Variants in CNTNAP5 observed in about 807,000 individuals in gnomAD.
The protein encoded by CNTNAP5 is contactin-associated protein-like 5.
CNTNAP5 carries 72 observed loss-of-function variants against 150.2 expected under a neutral mutation model. The ratio of observed to expected loss-of-function variants is 0.48; its 90% CI spans 0.40 to 0.58. The LOEUF (loss-of-function observed/expected upper bound fraction) is 0.58, where lower values mean the gene tolerates loss of function less well. Among genes scored for constraint, CNTNAP5 ranks in the 20% least tolerant of loss-of-function variants. CNTNAP5 has a pLI of 0.00. For synonymous variants in CNTNAP5, 672 were observed against 619.8 expected (o/e 1.08, Z -1.25); for missense variants, 1,636 against 1,626.2 (o/e 1.01, Z -0.10).
At chr2:124,747,488 C>G (rs919148468) in intron 14 of CNTNAP5, 103 bp downstream of exon 14, 7 of 1,345,354 alleles carry the variant, frequency 5.2e-6, no homozygotes, top group Non-Finnish European at 7.4e-6. Flanking sequence ...TCAATACAAA[C>G]TGGAGCTCCC....
chr2:124,524,573 C>A (rs1342815743), intron 9 of CNTNAP5, 121 bp downstream of exon 9: 2 of 852,004 alleles, frequency 2.3e-6, no homozygotes, highest in Non-Finnish European at 3.6e-6. Context: ...CACAAACACA[C>A]ACACACATGC....
chr2:124,025,621 C>G lies in CNTNAP5; in HGVS notation c.-30C>G. 6.2e-7 allele frequency: 1 copy of G among 1,608,514 alleles called. No homozygotes were observed. The highest frequency in any genetic ancestry group is 8.5e-7 in the Non-Finnish European group (1 of 1,175,196). On this transcript the variant is annotated 5_prime_UTR_variant, in exon 1 of 24. Transcript: ENST00000682447. ...GGCTGGCTACTGCGAATTTGGGATTCGATTGGGAGGGACCGCTCACTCGGG... is the reference window on the plus strand; with the variant it reads ...GGCTGGCTACTGCGAATTTGGGATTGGATTGGGAGGGACCGCTCACTCGGG...
At chr2:124,181,727 T>A (rs1200834365) in intron 1 of CNTNAP5, among the ~76,000 whole-genome samples, 1 of 152,198 alleles carries the variant, frequency 6.6e-6, no homozygotes, top group Non-Finnish European at 1.5e-5. Flanking sequence ...ATAGAAATCA[T>A]GTATCTCCTG....
chr2:124,512,551 G>A (rs552075783), intron 8 of CNTNAP5, among the ~76,000 whole-genome samples: 1 of 152,256 alleles, frequency 6.6e-6, no homozygotes, highest in South Asian at 2.1e-4. Context: ...CCATGAAAAA[G>A]TGTCTATAGT....
rs146538859 is a variant in CNTNAP5 at position 124,863,051 on chromosome 2, T to C, written c.3218-2255T>C. 1.2e-4 allele frequency among the ~76,000 whole-genome samples: 18 copies of C among 152,264 alleles called. No homozygotes were observed. In the East Asian group the frequency reaches 3.5e-3, roughly 29 times the overall value. ...CTAAGAGGAATGGTGGCAAGAGGGA[T>C]GCCAGCAAACATGTATAAAATGAAA... On this transcript the variant is annotated intron_variant, in intron 19 of 23. Transcript: ENST00000682447.
chr2:124,047,343 A>G (rs1681564555), intron 1 of CNTNAP5, among the ~76,000 whole-genome samples: 1 of 152,214 alleles, frequency 6.6e-6, no homozygotes, highest in African/African-American at 2.4e-5. Flanking sequence ...TTAGATCCTT[A>G]TTTTACAGAG....
At chr2:124,302,328 C>T (rs191017020) in intron 3 of CNTNAP5, among the ~76,000 whole-genome samples, 16 of 152,316 alleles carry the variant, frequency 1.1e-4, no homozygotes, top group Middle Eastern at 3.4e-3. Context: ...ATTTATGTGC[C>T]GGTCTTAGCT....
chr2:124,882,632 C>T (rs1450787996), intron 21 of CNTNAP5, among the ~76,000 whole-genome samples: 1 of 152,056 alleles, frequency 6.6e-6, no homozygotes, highest in Admixed American at 6.6e-5. Flanking sequence ...AGAAGTCCTG[C>T]AAATATGCAC....
At chr2:124,443,563 C>T (rs1344768802) in intron 5 of CNTNAP5, among the ~76,000 whole-genome samples, 1 of 151,844 alleles carries the variant, frequency 6.6e-6, no homozygotes, top group Non-Finnish European at 1.5e-5. Flanking sequence ...GGAAGATGAG[C>T]AGATGGAGGA....
chr2:124,713,118 G>A lies in CNTNAP5; in HGVS notation c.2078-34111G>A, dbSNP rs115827506. The stretch of plus-strand genomic sequence containing the variant: ...GCTGAATTTCTACTACTATGGGACT[G>A]TAACAATGTCTTCCTTTCTTCCTTC... On this transcript the variant is annotated intron_variant, in intron 13 of 23. Coordinates refer to ENST00000682447, the MANE Select transcript of CNTNAP5 (RefSeq NM_001367498.1). Among the ~76,000 whole-genome samples the A allele has an allele frequency of 2.5e-3, 384 of 152,094 alleles. 6 individuals carry two copies. The highest frequency in any genetic ancestry group is 4.7e-3 in the Non-Finnish European group (320 of 67,942).
chr2:124,679,013 T>G (rs1679004640), intron 13 of CNTNAP5, among the ~76,000 whole-genome samples: 1 of 151,924 alleles, frequency 6.6e-6, no homozygotes, highest in Non-Finnish European at 1.5e-5. Flanking sequence ...TAGTAAACTC[T>G]GCAACAAACC....
intron 19 of CNTNAP5, among the ~76,000 whole-genome samples, chr2:124,840,513 A>G (rs1682922447): frequency 6.6e-6 from 1 of 152,070 alleles, no homozygotes; most frequent in Non-Finnish European, 1.5e-5. Flanking sequence ...CGAAAGGTGG[A>G]CAGTATGCAT....
rs150136092 is a variant in CNTNAP5, at chr2:124,900,714, A to G, written c.3437-2168A>G. On this transcript the variant is annotated intron_variant, in intron 21 of 23. Coordinates refer to ENST00000682447, the MANE Select transcript of CNTNAP5 (RefSeq NM_001367498.1). ...CTGAGTCCTGGGAATGAGAGCTGGCAATGTTGACTTAGATCCTTCAGGCAG... is the reference window on the plus strand; with the variant it reads ...CTGAGTCCTGGGAATGAGAGCTGGCGATGTTGACTTAGATCCTTCAGGCAG... 3.7e-3 allele frequency among the ~76,000 whole-genome samples: 556 copies of G among 151,694 alleles called. 4 individuals carry two copies. The highest frequency in any genetic ancestry group is 5.6e-3 in the Non-Finnish European group (379 of 67,998).
chr2:124,858,396 T>C (rs966194438), intron 19 of CNTNAP5, among the ~76,000 whole-genome samples: 4 of 152,154 alleles, frequency 2.6e-5, no homozygotes, highest in African/African-American at 9.7e-5. Context: ...TCACAAACAT[T>C]CTTATACACC....
chr2:124,537,440 C>T (rs1038281374), intron 10 of CNTNAP5, among the ~76,000 whole-genome samples: 1 of 152,186 alleles, frequency 6.6e-6, no homozygotes, highest in African/African-American at 2.4e-5. Context: ...CTGTCACTAT[C>T]TCCTAAAGAA....
At chr2:124,097,376 C>T (rs1008828486) in intron 1 of CNTNAP5, among the ~76,000 whole-genome samples, 22 of 152,210 alleles carry the variant, frequency 1.4e-4, no homozygotes, top group Non-Finnish European at 2.9e-4. Flanking sequence ...GTCCTCTCAA[C>T]CTCTATACAC....
chr2:124,470,163 A>ATAATT (rs1369301437), intron 6 of CNTNAP5, among the ~76,000 whole-genome samples: 1 of 152,162 alleles, frequency 6.6e-6, no homozygotes, highest in African/African-American at 2.4e-5. Context: ...GTCTTCCACA[A>ATAATT]TGGTTGCAAT....
At chr2:124,493,284 T>G (rs1456981012) in intron 7 of CNTNAP5, among the ~76,000 whole-genome samples, 1 of 151,770 alleles carries the variant, frequency 6.6e-6, no homozygotes, top group African/African-American at 2.4e-5. Flanking sequence ...TGAGCTATGC[T>G]TGCATTGCAG....
intron 13 of CNTNAP5, among the ~76,000 whole-genome samples, chr2:124,713,858 C>T (rs1196645625): frequency 6.6e-6 from 1 of 152,090 alleles, no homozygotes; most frequent in Non-Finnish European, 1.5e-5. Context: ...GCATGAGGCT[C>T]ATCAACACCT....
Sources: allele counts gnomAD v4.1 joint callset (sites outside exome capture counted in the v4.1 genomes callset), GRCh38; gene constraint gnomAD v4.1.1; transcripts MANE v1.5; gene names NCBI Gene and HGNC (gene_info 2026-07-23, HGNC 2026-07-21).